The following PTPRF variants were observed in gnomAD, a reference collection of about 807,000 sequenced individuals.
PTPRF encodes the protein receptor-type tyrosine-protein phosphatase F.
In PTPRF, 59 loss-of-function variants were observed where a neutral mutation model predicts 201.8. That is an observed-to-expected ratio of 0.29 (90% CI 0.24 to 0.36). The LOEUF (loss-of-function observed/expected upper bound fraction) is 0.36. Ranked by LOEUF, PTPRF falls within the 10% of genes least tolerant of loss-of-function variation. PTPRF has a pLI of 1.00. For synonymous variants in PTPRF, 1,088 were observed against 1,089.7 expected, an observed-to-expected ratio of 1.00 and a Z score of 0.03; for missense variants, 2,132 against 2,690.5, an observed-to-expected ratio of 0.79 and a Z score of 4.59.
In PTPRF at chr1:43,538,165, T is replaced by G. The variant is rs550063766; in HGVS notation, c.-125-33T>G. ...TACATATGCTGTTGTGATGAAATTC[T>G]TGATGTTTTCTCATGCTTTCCTTTC... On this transcript the variant is annotated intron_variant, in intron 1 of 33. Transcript: ENST00000359947. 9.3e-5 allele frequency: 37 copies of G among 398,656 alleles called. No homozygotes were observed. The South Asian group carries it at 4.2e-3, about 45-fold the overall frequency. The allele number at this position is 398,656 out of a possible 1,614,324, so 24.7% of individuals were successfully genotyped here.
rs1039666862 is a variant in PTPRF at position 43,622,907 on chromosome 1, A to AAG, written c.*907_*908dup. 2 of 152,456 alleles carry AAG rather than the reference A, an allele frequency of 1.3e-5. No homozygotes were observed. 9.4% of individuals were successfully genotyped at this position (152,456 alleles called of 1,614,324 possible). ...AAACAAAAAACCCAAGAAAAAAAAA[A>AAG]AGAGTCAGCCCTTGGCTTCTGCTTC... On this transcript the variant is annotated 3_prime_UTR_variant, in exon 34 of 34. Transcript: ENST00000359947.
rs543267254 is a variant in PTPRF at position 43,620,640 on chromosome 1, G to A, written c.5364+61G>A. 1.4e-3 allele frequency: 2,283 copies of A among 1,588,306 alleles called. 26 individuals carry two copies. Among genetic ancestry groups the A allele is most frequent in the South Asian group, 0.013 (1,084 of 86,162 alleles). On this transcript the variant is annotated intron_variant, in intron 31 of 33. Transcript: ENST00000359947. The stretch of plus-strand genomic sequence containing the variant: ...CTGTCCACACGCTGGGTGGATGGCT[G>A]CCTGCATGGTACCTTAGCTCAAGCT...
intron 30 of PTPRF, 108 bp downstream of exon 30, chr1:43,620,329 T>C: frequency 6.5e-7 from 1 of 1,545,058 alleles, no homozygotes. Flanking sequence ...CCCAGCTGCT[T>C]GTCAGCATGG....
intron 2 of PTPRF, among the ~76,000 whole-genome samples, chr1:43,543,090 A>G (rs1234114687): frequency 6.6e-6 from 1 of 152,148 alleles, no homozygotes; most frequent in East Asian, 1.9e-4. Flanking sequence ...TTATAAACTC[A>G]TGTGTCTCAT....
intron 25 of PTPRF, 72 bp downstream of exon 25, chr1:43,617,983 T>C (rs967146742): frequency 2.7e-6 from 4 of 1,454,632 alleles, no homozygotes; most frequent in East Asian, 2.4e-5. Flanking sequence ...GGCACCTTCT[T>C]CTGTGCCGCT....
chr1:43,617,191 C>T (rs990858505), intron 23 of PTPRF, among the ~76,000 whole-genome samples: 1 of 152,126 alleles, frequency 6.6e-6, no homozygotes, highest in African/African-American at 2.4e-5. Context: ...CCTGCCCCAT[C>T]CCAGCTCAGA....
rs1410215348 is a variant in PTPRF, at chr1:43,588,147, C to T, written c.680-584C>T. On this transcript the variant is annotated intron_variant, in intron 7 of 33. Transcript: ENST00000359947. This position sits in a 1 kb window ranked among gnomAD's most constrained non-coding sequence, Gnocchi z 5.3. ...TTGGGTTCCCAGGTTGTGCCCTGAG[C>T]ATGGCTGAGACCCTGGCAGGCGGCC... Among the ~76,000 whole-genome samples the T allele has an allele frequency of 6.6e-6, 1 of 152,198 alleles. No individual in the cohort carries two copies. The highest frequency in any genetic ancestry group is 1.5e-5 in the Non-Finnish European group (1 of 68,028).
intron 13 of PTPRF, among the ~76,000 whole-genome samples, chr1:43,599,380 C>T (rs1045909523): frequency 1.7e-4 from 26 of 152,148 alleles, no homozygotes; most frequent in African/African-American, 3.4e-4. Flanking sequence ...CCCACCAGGT[C>T]GGGGTTTTGA....
intron 6 of PTPRF, among the ~76,000 whole-genome samples, chr1:43,576,084 C>G (rs772087427): frequency 1.1e-4 from 16 of 152,226 alleles, no homozygotes; most frequent in Non-Finnish European, 2.4e-4. Context: ...GGCCACCACA[C>G]ACATCCACTC....
chr1:43,530,942 G>C lies in PTPRF; in HGVS notation c.-274G>C, dbSNP rs1339411098. ...CCAGCTTCGGCTCCGGCTCGGGCTC[G>C]GGCTCCGGCTCCGGCTCCGGCTCCG... On this transcript the variant is annotated 5_prime_UTR_variant, in exon 1 of 34. Transcript: ENST00000359947. The surrounding 1 kb of genome is among the most constrained non-coding windows in gnomAD (Gnocchi z 4.1). 1.9e-4 allele frequency: 29 copies of C among 156,116 alleles called. No individual in the cohort carries two copies. Among genetic ancestry groups the C allele is most frequent in the Non-Finnish European group, 3.9e-4 (28 of 71,376 alleles). The allele number at this position is 156,116 out of a possible 1,614,324, so 9.7% of individuals were successfully genotyped here.
chr1:43,600,292 G>A (rs1653426119), intron 13 of PTPRF, among the ~76,000 whole-genome samples: 1 of 152,128 alleles, frequency 6.6e-6, no homozygotes, highest in Non-Finnish European at 1.5e-5. Context: ...GTGGCCAGTG[G>A]GGTTCCAGAG....
intron 19 of PTPRF, 98 bp from the exon 20 acceptor site, chr1:43,606,142 T>G: frequency 7.3e-7 from 1 of 1,361,330 alleles, no homozygotes; most frequent in African/African-American, 1.4e-5. Flanking sequence ...AAGGTGAGCC[T>G]TGATCTCGGC....
At chr1:43,620,329 T>G (rs1164139499) in intron 30 of PTPRF, 108 bp downstream of exon 30, 1 of 1,544,940 alleles carries the variant, frequency 6.5e-7, no homozygotes, top group African/African-American at 1.4e-5. Context: ...CCCAGCTGCT[T>G]GTCAGCATGG....
rs1031553811 is a variant in PTPRF, at chr1:43,591,428, C to T, written c.1406C>T (p.Ala469Val). Residue 469 changes from alanine to valine, a missense_variant, in exon 9 of 34, where the codon GCG becomes GTG. This residue lies in a region of PTPRF where 351 missense variants were observed against 401.7 expected (regional missense o/e 0.87). Coordinates refer to ENST00000359947, the MANE Select transcript of PTPRF (RefSeq NM_002840.5). The part of the protein sequence containing the change: ...PNAWHKHNTD[A>V]GLLTTVGSLL... ...GCCTGGCACAAGCACAACACCGACG[C>T]GGGGCTCCTCACGACCGTGGGCAGC... 1 of 1,585,890 alleles carries T rather than the reference C, an allele frequency of 6.3e-7. No individual in the cohort carries two copies. The highest frequency in any genetic ancestry group is 8.6e-7 in the Non-Finnish European group (1 of 1,168,212).
chr1:43,595,044 A>G (rs549148629), intron 11 of PTPRF, among the ~76,000 whole-genome samples: 3 of 152,266 alleles, frequency 2.0e-5, no homozygotes, highest in South Asian at 4.1e-4. Flanking sequence ...AGCTTGGTGC[A>G]TGGTAGGACC....
At chr1:43,557,652 G>A (rs1027969775) in intron 5 of PTPRF, among the ~76,000 whole-genome samples, 3 of 149,866 alleles carry the variant, frequency 2.0e-5, no homozygotes, top group Non-Finnish European at 4.4e-5. Flanking sequence ...AAAAAAAGAG[G>A]ACCTGCAGGA....
In PTPRF at chr1:43,591,484, G is replaced by A. The variant is rs771184014; in HGVS notation, c.1462G>A (p.Val488Met). ...GCCTGGCATCACCTACAGCCTGCGC[G>A]TGCTTGCCTTCACCGCCGTGGGCGA... The part of the protein sequence containing the change: ...LLPGITYSLR[V>M]LAFTAVGDGP... The change falls in exon 9 of 34, where the codon GTG becomes ATG. Residue 488 changes from valine to methionine, a missense_variant. Physicochemically the swap from Val to Met is conservative, Grantham distance 21 (BLOSUM62 1). Coordinates refer to ENST00000359947, the MANE Select transcript of PTPRF (RefSeq NM_002840.5). 5 of 1,599,624 alleles carry A rather than the reference G, an allele frequency of 3.1e-6. No homozygotes were observed. Among genetic ancestry groups the A allele is most frequent in the Non-Finnish European group, 3.4e-6 (4 of 1,175,434 alleles).
intron 22 of PTPRF, among the ~76,000 whole-genome samples, chr1:43,612,261 C>T (rs115831709): frequency 6.6e-6 from 1 of 152,044 alleles, no homozygotes; most frequent in Non-Finnish European, 1.5e-5. Context: ...AGAAGTGTTG[C>T]AGTGAGCAGC....
rs770390307 is a variant in PTPRF, at chr1:43,605,432, C to G, written c.3378C>G (p.Pro1126=). The G allele has an allele frequency of 6.2e-6, 10 of 1,609,260 alleles. No individual in the cohort carries two copies. In the East Asian group the frequency reaches 1.8e-4, roughly 29 times the overall value. Residue 1126 remains proline (P), a synonymous_variant, in exon 18 of 34, where the codon CCC becomes CCG. Coordinates refer to ENST00000359947, the MANE Select transcript of PTPRF (RefSeq NM_002840.5). ...TCTCCATGCCCCATGTGCAAGACCC[C>G]TCGCTTGTCAGGTGTGCACACGAGG... ...FDLSMPHVQD[P]SLVRWFYIVV...
Sources: allele counts gnomAD v4.1 joint callset (sites outside exome capture counted in the v4.1 genomes callset), GRCh38; gene constraint gnomAD v4.1.1; regional missense constraint gnomAD v4.1.1; non-coding constraint Gnocchi (gnomAD v3.1); transcripts MANE v1.5; gene names NCBI Gene and HGNC (gene_info 2026-07-23, HGNC 2026-07-21).